DACH1: variants seen among roughly 807,000 people sequenced by gnomAD.
DACH1 encodes the protein dachshund homolog 1.
A neutral mutation model predicts 54.2 loss-of-function variants in DACH1; 12 were observed. That is an observed-to-expected ratio of 0.22 (90% CI 0.14 to 0.36). The LOEUF is 0.36. Among genes scored for constraint, DACH1 ranks in the 10% least tolerant of loss-of-function variants. The pLI is 1.00. For missense variants in DACH1, 805 were observed against 929.8 expected (o/e 0.87, Z 1.75); for synonymous variants, 386 against 366.2 (o/e 1.05, Z -0.62).
intron 1 of DACH1, among the ~76,000 whole-genome samples, chr13:71,798,362 A>ATATG (rs1491004505): frequency 8.6e-6 from 1 of 116,716 alleles, no homozygotes; most frequent in African/African-American, 3.1e-5. Flanking sequence ...ATATATATAT[A>ATATG]TCCATTACCT....
At chr13:71,540,518 G>C (rs1883063772) in intron 6 of DACH1, among the ~76,000 whole-genome samples, 1 of 151,976 alleles carries the variant, frequency 6.6e-6, no homozygotes, top group Non-Finnish European at 1.5e-5. Flanking sequence ...AATGCCTTTG[G>C]TCATGTCATT....
At position 71,443,162 on chromosome 13, in the gene DACH1, G is replaced by A. The variant is rs542208441; in HGVS notation, c.2084-2470C>T. Among the ~76,000 whole-genome samples the A allele has an allele frequency of 4.4e-3, 667 of 151,088 alleles. 4 individuals carry two copies. The highest frequency in any genetic ancestry group is 0.016 in the African/African-American group (647 of 41,278). ...AAATCCACAATTTTCCCTCCCAGAG[G>A]CAGGGATGTCCATGAGATTAGCCTC... On this transcript the variant is annotated intron_variant, in intron 10 of 10. Transcript: ENST00000613252.
rs545905965 is a variant in DACH1, at chr13:71,675,519, T to G, written c.964+6276A>C. The G allele has an allele frequency of 3.0e-6, 4 of 1,353,268 alleles. No homozygotes were observed. In the Admixed American group the frequency reaches 7.9e-5, roughly 27 times the overall value. The allele number at this position is 1,353,268 out of a possible 1,614,324, so 83.8% of individuals were successfully genotyped here. On this transcript the variant is annotated intron_variant, in intron 2 of 10. Coordinates refer to ENST00000613252, the MANE Select transcript of DACH1 (RefSeq NM_080759.6). ...ACATTTCATTCTCAAAAAAAAAATTTTTTTTTTTCTCTTCTTCCTGTTATT... is the reference window on the plus strand; with the variant it reads ...ACATTTCATTCTCAAAAAAAAAATTGTTTTTTTTCTCTTCTTCCTGTTATT...
chr13:71,690,272 TTCTATAGCATACATTA>T (rs1298352022), intron 1 of DACH1, among the ~76,000 whole-genome samples: 1 of 152,232 alleles, frequency 6.6e-6, no homozygotes, highest in Non-Finnish European at 1.5e-5. Flanking sequence ...ATGTTTACCT[TTCTATAGCATACATTA>T]TGCATCTACA....
At chr13:71,789,869 T>A (rs1450283741) in intron 1 of DACH1, among the ~76,000 whole-genome samples, 1 of 152,114 alleles carries the variant, frequency 6.6e-6, no homozygotes, top group Non-Finnish European at 1.5e-5. Context: ...CAACAAAAAA[T>A]GTGTTTCTCA....
At chr13:71,790,824 G>T (rs2147810) in intron 1 of DACH1, among the ~76,000 whole-genome samples, 1 of 152,016 alleles carries the variant, frequency 6.6e-6, no homozygotes, top group Middle Eastern at 3.2e-3. Context: ...AAAGATGAAA[G>T]GCTATTTAGT....
intron 2 of DACH1, among the ~76,000 whole-genome samples, chr13:71,640,566 A>G (rs554904216): frequency 2.6e-5 from 4 of 152,140 alleles, no homozygotes; most frequent in Admixed American, 1.3e-4. Context: ...CCTTGACTCT[A>G]ATTTTCTTTT....
intron 3 of DACH1, among the ~76,000 whole-genome samples, chr13:71,614,008 CGTTT>C (rs1318821668): frequency 2.6e-5 from 4 of 152,018 alleles, no homozygotes; most frequent in African/African-American, 9.7e-5. Flanking sequence ...TTTGTTTGTT[CGTTT>C]GTTTTCTTAA....
chr13:71,510,172 C>T (rs932307679), intron 6 of DACH1, among the ~76,000 whole-genome samples: 2 of 151,966 alleles, frequency 1.3e-5, no homozygotes, highest in African/African-American at 2.4e-5. Context: ...GTCTCTTTAA[C>T]GCTTTTCATT....
chr13:71,636,168 A>G (rs886969440), intron 2 of DACH1, among the ~76,000 whole-genome samples: 4 of 152,148 alleles, frequency 2.6e-5, no homozygotes, highest in Non-Finnish European at 5.9e-5. Context: ...GACAGAAGTG[A>G]TGTTCTCCAA....
chr13:71,610,553 T>C (rs1469815710), intron 3 of DACH1, among the ~76,000 whole-genome samples: 3 of 152,150 alleles, frequency 2.0e-5, no homozygotes. Context: ...GAGACATACA[T>C]ATGCACATAC....
chr13:71,623,036 A>C (rs1286966622), intron 3 of DACH1, among the ~76,000 whole-genome samples: 1 of 151,824 alleles, frequency 6.6e-6, no homozygotes, highest in Non-Finnish European at 1.5e-5. Context: ...AAATACATTT[A>C]ATAGTTTATA....
In DACH1 at chr13:71,665,830, A is replaced by C. The variant is rs142243815; in HGVS notation, c.964+15965T>G. 1.9e-3 allele frequency among the ~76,000 whole-genome samples: 284 copies of C among 152,226 alleles called. 1 individual carries two copies. Among genetic ancestry groups the C allele is most frequent in the African/African-American group, 6.5e-3 (269 of 41,578 alleles). On this transcript the variant is annotated intron_variant, in intron 2 of 10. Coordinates refer to ENST00000613252, the MANE Select transcript of DACH1 (RefSeq NM_080759.6). ...GATAGTGAAAACAAGATTTATAATT[A>C]TTTATCACTGAATTCAATCCCCAAT...
chr13:71,448,767 G>A (rs1391666252), intron 10 of DACH1, among the ~76,000 whole-genome samples: 1 of 151,390 alleles, frequency 6.6e-6, no homozygotes, highest in Non-Finnish European at 1.5e-5. Flanking sequence ...TATATTCAAA[G>A]CTGTGTTTAA....
chr13:71,561,440 G>C (rs1884576901), intron 4 of DACH1, among the ~76,000 whole-genome samples: 1 of 152,132 alleles, frequency 6.6e-6, no homozygotes, highest in Admixed American at 6.5e-5. Flanking sequence ...AGATAGGAGG[G>C]AAGAATGTCA....
intron 1 of DACH1, among the ~76,000 whole-genome samples, chr13:71,743,885 G>A (rs1204814203): frequency 2.0e-5 from 3 of 152,034 alleles, no homozygotes; most frequent in Non-Finnish European, 4.4e-5. Flanking sequence ...TCCTAATTAT[G>A]TTGAAAGTCG....
intron 3 of DACH1, among the ~76,000 whole-genome samples, chr13:71,595,381 C>G (rs1874022839): frequency 6.6e-6 from 1 of 152,096 alleles, no homozygotes; most frequent in South Asian, 2.1e-4. Context: ...GGCAGAGAAA[C>G]TACCTGATTT....
At chr13:71,820,475 G>C (rs763407968) in intron 1 of DACH1, among the ~76,000 whole-genome samples, 27 of 152,104 alleles carry the variant, frequency 1.8e-4, no homozygotes, top group Non-Finnish European at 2.9e-4. Flanking sequence ...TAGGAAGTTT[G>C]AATCTATTCC....
intron 1 of DACH1, among the ~76,000 whole-genome samples, chr13:71,745,494 T>C (rs372840268): frequency 9.8e-5 from 15 of 152,328 alleles, no homozygotes; most frequent in African/African-American, 3.6e-4. Flanking sequence ...GATGTCTAAA[T>C]TGCAATGGCA....
Sources: gnomAD v4.1 joint callset for allele counts (sites outside exome capture counted in the v4.1 genomes callset) on GRCh38, gnomAD v4.1.1 for gene constraint, MANE v1.5 for transcripts, NCBI Gene and HGNC (gene_info 2026-07-23, HGNC 2026-07-21) for gene names.